PCDH15: variants seen among roughly 807,000 people sequenced by gnomAD.
The protein encoded by PCDH15 is protocadherin related 15.
A neutral mutation model predicts 178.5 loss-of-function variants in PCDH15; 129 were observed. The observed-to-expected ratio is 0.72, with a 90% CI of 0.63 to 0.84. PCDH15 has a LOEUF of 0.84. Among genes scored for constraint, PCDH15 ranks in the 40% least tolerant of loss-of-function variants. PCDH15 has a pLI of 0.00. For synonymous variants in PCDH15, 800 were observed against 732.0 expected (o/e 1.09, Z -1.50); for missense variants, 2,230 against 2,099.9 (o/e 1.06, Z -1.21).
chr10:54,137,332 A>G (rs915436322), intron 14 of PCDH15, among the ~76,000 whole-genome samples: 6 of 152,172 alleles, frequency 3.9e-5, no homozygotes, highest in African/African-American at 1.4e-4. Flanking sequence ...AAGCTTTATT[A>G]TATTTCACCT....
At chr10:55,177,539 G>C (rs1839527739) in intron 1 of PCDH15, among the ~76,000 whole-genome samples, 1 of 152,156 alleles carries the variant, frequency 6.6e-6, no homozygotes, top group Non-Finnish European at 1.5e-5. Flanking sequence ...CAGTTGCAGT[G>C]GTAACTTTGC....
intron 2 of PCDH15, among the ~76,000 whole-genome samples, chr10:54,577,531 A>G (rs1216678076): frequency 1.3e-5 from 2 of 152,118 alleles, no homozygotes; most frequent in African/African-American, 4.8e-5. Flanking sequence ...GAGAATACAA[A>G]AAAGGAAAAA....
chr10:54,091,824 G>T (rs774040009), intron 15 of PCDH15, among the ~76,000 whole-genome samples: 5 of 151,836 alleles, frequency 3.3e-5, no homozygotes, highest in Non-Finnish European at 5.9e-5. Context: ...ATTTTATATT[G>T]GATTGTTCCA....
intron 2 of PCDH15, among the ~76,000 whole-genome samples, chr10:55,375,972 G>T (rs1333321136): frequency 6.6e-6 from 1 of 151,658 alleles, no homozygotes; most frequent in African/African-American, 2.4e-5. Context: ...TATTCGTAGT[G>T]TCTATAAAAA....
chr10:54,691,460 C>T (rs1259968764), intron 1 of PCDH15, among the ~76,000 whole-genome samples: 1 of 151,888 alleles, frequency 6.6e-6, no homozygotes, highest in East Asian at 2.0e-4. Context: ...CTAATCTGAA[C>T]CTCATGACTG....
chr10:54,994,260 A>G (rs915831355), intron 2 of PCDH15, among the ~76,000 whole-genome samples: 3 of 152,184 alleles, frequency 2.0e-5, no homozygotes, highest in African/African-American at 7.2e-5. Context: ...TAATCAATGT[A>G]GAATGTGTAC....
chr10:54,282,700 A>C (rs569867068), intron 8 of PCDH15, among the ~76,000 whole-genome samples: 3 of 152,244 alleles, frequency 2.0e-5, no homozygotes, highest in South Asian at 4.1e-4. Context: ...ATATTTCATT[A>C]GACTTGTGAT....
rs148925322 is a variant in PCDH15, at chr10:55,421,547, T to A, written c.-156+206078A>T. Reference sequence around the variant, plus strand: ...GAATCTATCTTCTACTAATAACATATCTGGAATTCAAATATTAAATATGGA... The same window carrying A: ...GAATCTATCTTCTACTAATAACATAACTGGAATTCAAATATTAAATATGGA... On this transcript the variant is annotated intron_variant, in intron 2 of 5. Coordinates refer to the PCDH15 transcript ENST00000613346. 4.3e-3 allele frequency among the ~76,000 whole-genome samples: 643 copies of A among 150,390 alleles called. 5 individuals are homozygous for A. The highest frequency in any genetic ancestry group is 0.014 in the African/African-American group (593 of 41,222).
chr10:55,622,875 G>A (rs1359092202), intron 2 of PCDH15, among the ~76,000 whole-genome samples: 3 of 152,050 alleles, frequency 2.0e-5, no homozygotes, highest in African/African-American at 7.2e-5. Context: ...CCTGCCTCTT[G>A]GATTTGCTCT....
chr10:55,368,904 A>T (rs1030283329), intron 2 of PCDH15, among the ~76,000 whole-genome samples: 1 of 151,720 alleles, frequency 6.6e-6, no homozygotes, highest in Non-Finnish European at 1.5e-5. Flanking sequence ...TTGAGAAAGC[A>T]GACAATTTTT....
rs1839738937 is a variant in PCDH15 at position 55,463,901 on chromosome 10, GAAAGAAAGAAAGAAAGAAAGAA to G, written c.-156+163702_-156+163723del. Among the ~76,000 whole-genome samples, 38 of 10,006 alleles carry G rather than the reference GAAAGAAAGAAAGAAAGAAAGAA, an allele frequency of 3.8e-3. 4 individuals carry two copies. The highest frequency in any genetic ancestry group is 8.7e-3 in the Admixed American group (5 of 572). 6.6% of individuals were successfully genotyped at this position (10,006 alleles called of 152,430 possible). ...AGAGAGAAAGAGAGGGAGAGAGAGAGAAAGAAAGAAAGAAAGAAAGAAAGAAAGAAAGAAAGAAAGAAAGAAA... is the reference window on the plus strand; with the variant it reads ...AGAGAGAAAGAGAGGGAGAGAGAGAGAGAAAGAAAGAAAGAAAGAAAGAAA... On this transcript the variant is annotated intron_variant, in intron 2 of 5. Transcript: ENST00000613346.
At chr10:54,511,174 T>C (rs886692880) in intron 3 of PCDH15, among the ~76,000 whole-genome samples, 2 of 152,176 alleles carry the variant, frequency 1.3e-5, no homozygotes, top group Non-Finnish European at 2.9e-5. Flanking sequence ...CCTGTTAAAA[T>C]TGCTGCAGCA....
At chr10:55,399,817 G>C (rs1470299133) in intron 2 of PCDH15, among the ~76,000 whole-genome samples, 1 of 151,992 alleles carries the variant, frequency 6.6e-6, no homozygotes, top group East Asian at 1.9e-4. Context: ...TTTCTTATGA[G>C]AAAAATTCAG....
rs113874483 is a variant in PCDH15 at position 53,888,666 on chromosome 10, T to G, written c.3501+14577A>C. Among the ~76,000 whole-genome samples the G allele has an allele frequency of 2.8e-3, 65 of 22,808 alleles. 1 individual carries two copies. Among genetic ancestry groups the G allele is most frequent in the Non-Finnish European group, 4.1e-3 (55 of 13,270 alleles). The allele number at this position is 22,808 out of a possible 152,430, so 15.0% of individuals were successfully genotyped here. A position where few individuals can be genotyped will look rare whatever the true frequency, so the allele number is the denominator to read the frequency against. On this transcript the variant is annotated intron_variant, in intron 26 of 37. Transcript: ENST00000644397. ...TCAATTCCCTAGCAGTTAAGTTTGATATATATATATATATATATATATATA... is the reference window on the plus strand; with the variant it reads ...TCAATTCCCTAGCAGTTAAGTTTGAGATATATATATATATATATATATATA...
intron 2 of PCDH15, among the ~76,000 whole-genome samples, chr10:54,997,188 A>G (rs1485349317): frequency 6.6e-6 from 1 of 152,012 alleles, no homozygotes; most frequent in Non-Finnish European, 1.5e-5. Flanking sequence ...TGGATTACCT[A>G]TGGGGGCAAA....
intron 14 of PCDH15, among the ~76,000 whole-genome samples, chr10:54,144,130 A>G (rs561176866): frequency 7.9e-5 from 12 of 152,002 alleles, no homozygotes; most frequent in African/African-American, 1.9e-4. Context: ...AAATGATACT[A>G]TTAGATTAGC....
chr10:54,048,715 A>T (rs2093704974), intron 18 of PCDH15, among the ~76,000 whole-genome samples: 1 of 152,036 alleles, frequency 6.6e-6, no homozygotes, highest in South Asian at 2.1e-4. Context: ...TGGGGTCTCC[A>T]TTCTGTTCCG....
intron 28 of PCDH15, among the ~76,000 whole-genome samples, chr10:53,851,900 C>T (rs2078404618): frequency 6.6e-6 from 1 of 151,426 alleles, no homozygotes; most frequent in Non-Finnish European, 1.5e-5. Context: ...GAGGCTCTTC[C>T]TCATCAAGTC....
At chr10:53,829,309 G>T (rs544225753) in intron 30 of PCDH15, among the ~76,000 whole-genome samples, 2 of 152,082 alleles carry the variant, frequency 1.3e-5, no homozygotes, top group African/African-American at 4.8e-5. Flanking sequence ...TAAATAATGC[G>T]TCTATAAATT....
Sources: gnomAD v4.1 joint callset for allele counts (sites outside exome capture counted in the v4.1 genomes callset) on GRCh38, gnomAD v4.1.1 for gene constraint, MANE v1.5 for transcripts, NCBI Gene and HGNC (gene_info 2026-07-23, HGNC 2026-07-21) for gene names.